Variants in DAB1 observed in about 807,000 individuals in gnomAD.
DAB1 encodes the protein DAB adaptor protein 1.
A neutral mutation model predicts 64.6 loss-of-function variants in DAB1; 15 were observed. The observed-to-expected ratio is 0.23, with a 90% CI of 0.16 to 0.36. The LOEUF (loss-of-function observed/expected upper bound fraction) is 0.36. Among genes scored for constraint, DAB1 ranks in the 10% least tolerant of loss-of-function variants. The probability of loss-of-function intolerance (pLI) is 1.00; values close to 1 mark genes in which losing one functional copy is unlikely to be tolerated. For missense variants in DAB1, 596 were observed against 706.7 expected (o/e 0.84, Z 1.78); for synonymous variants, 235 against 251.9 (o/e 0.93, Z 0.64).
intron 2 of DAB1, among the ~76,000 whole-genome samples, chr1:57,214,398 A>C (rs931458147): frequency 3.9e-5 from 6 of 152,222 alleles, no homozygotes; most frequent in African/African-American, 1.4e-4. Context: ...CTTTGGTTTG[A>C]GGTGGATCAT....
Position 57,343,779 on chromosome 1 carries a change from G to A in DAB1, c.-136-52613C>T, listed in dbSNP as rs561139781. On this transcript the variant is annotated intron_variant, in intron 1 of 14. Transcript: ENST00000371236. ...ACGGTGTGCAGCCCCGGTTCCCACCGACGCCTCTCCATCCACACCTCCCCA... is the reference window on the plus strand; with the variant it reads ...ACGGTGTGCAGCCCCGGTTCCCACCAACGCCTCTCCATCCACACCTCCCCA... Among the ~76,000 whole-genome samples, 17 of 152,250 alleles carry A rather than the reference G, an allele frequency of 1.1e-4. No individual in the cohort carries two copies. The South Asian group carries it at 1.7e-3, about 15-fold the overall frequency.
chr1:58,505,572 C>T (rs898813969), intron 3 of DAB1, among the ~76,000 whole-genome samples: 2 of 152,006 alleles, frequency 1.3e-5, no homozygotes, highest in African/African-American at 4.8e-5. Flanking sequence ...CTCTTATCTT[C>T]ATAAAGAAAT....
At chr1:57,546,106 C>CGT (rs1558480204) in intron 7 of DAB1, among the ~76,000 whole-genome samples, 3 of 147,448 alleles carry the variant, frequency 2.0e-5, no homozygotes, top group South Asian at 2.1e-4. Flanking sequence ...TGTGCGCGCA[C>CGT]GTGTGCATGT....
Position 58,118,469 on chromosome 1 carries a change from CATATATATATATATATATAT to C in DAB1, n.387+32022_387+32041del, listed in dbSNP as rs370100684. ...CATGATGCCAGGCACTATCCTAAGG[CATATATATATATATATATAT>C]ATATATATATATATACACACACACA... On this transcript the variant is annotated intron_variant and non_coding_transcript_variant, in intron 5 of 20. Coordinates refer to the DAB1 transcript ENST00000485760. 9.1e-4 allele frequency among the ~76,000 whole-genome samples: 20 copies of C among 22,050 alleles called. 2 individuals carry two copies. The highest frequency in any genetic ancestry group is 1.2e-3 in the Non-Finnish European group (17 of 13,884). 14.5% of individuals were successfully genotyped at this position (22,050 alleles called of 152,430 possible).
chr1:57,863,671 A>G (rs1414566618), intron 1 of DAB1, among the ~76,000 whole-genome samples: 1 of 152,170 alleles, frequency 6.6e-6, no homozygotes, highest in Admixed American at 6.5e-5. Flanking sequence ...ATGTCTCAGG[A>G]ACAGAGGTGT....
At chr1:57,701,018 C>A (rs1281096115) in intron 6 of DAB1, among the ~76,000 whole-genome samples, 3 of 152,056 alleles carry the variant, frequency 2.0e-5, no homozygotes, top group African/African-American at 7.3e-5. Context: ...CATCTCACAC[C>A]AGTTAGAATG....
chr1:57,257,944 C>T (rs1669889407), intron 2 of DAB1, among the ~76,000 whole-genome samples: 1 of 152,192 alleles, frequency 6.6e-6, no homozygotes. Context: ...ATGTCCCTAC[C>T]TTAAGAGCCT....
chr1:57,813,744 C>T (rs769643805), intron 6 of DAB1, among the ~76,000 whole-genome samples: 8 of 152,148 alleles, frequency 5.3e-5, no homozygotes, highest in Non-Finnish European at 1.2e-4. Context: ...TTTCTTTCCA[C>T]GAGCCTGATC....
At chr1:58,425,690 G>T (rs1043577833) in intron 3 of DAB1, among the ~76,000 whole-genome samples, 7 of 152,110 alleles carry the variant, frequency 4.6e-5, no homozygotes, top group African/African-American at 1.7e-4. Context: ...TATGGAGAGT[G>T]AGAAGGAGTT....
At chr1:57,589,720 G>A (rs1434059275) in intron 7 of DAB1, among the ~76,000 whole-genome samples, 1 of 151,952 alleles carries the variant, frequency 6.6e-6, no homozygotes, top group African/African-American at 2.4e-5. Context: ...TCATGACACT[G>A]CACACCAGCC....
At chr1:58,237,260 G>A (rs1660083742) in intron 4 of DAB1, among the ~76,000 whole-genome samples, 2 of 152,126 alleles carry the variant, frequency 1.3e-5, no homozygotes, top group Admixed American at 1.3e-4. Flanking sequence ...GGAAAAGAGA[G>A]GAAAAAGAAG....
chr1:58,310,827 T>C (rs1021432848), intron 4 of DAB1, among the ~76,000 whole-genome samples: 9 of 152,126 alleles, frequency 5.9e-5, no homozygotes, highest in African/African-American at 2.2e-4. Flanking sequence ...CCATGACCCC[T>C]TGCTGAGTCC....
intron 4 of DAB1, among the ~76,000 whole-genome samples, chr1:57,084,000 G>A (rs899561043): frequency 4.6e-5 from 7 of 152,192 alleles, no homozygotes; most frequent in Non-Finnish European, 7.3e-5. Flanking sequence ...TTTAGTAAAT[G>A]GGAGTTGCTC....
intron 5 of DAB1, among the ~76,000 whole-genome samples, chr1:58,068,630 G>A (rs1304863392): frequency 6.6e-6 from 1 of 151,910 alleles, no homozygotes; most frequent in African/African-American, 2.4e-5. Flanking sequence ...GCTGGGTGTG[G>A]TGGTGGGGGC....
At chr1:58,092,110 G>A (rs1467270832) in intron 5 of DAB1, among the ~76,000 whole-genome samples, 1 of 152,060 alleles carries the variant, frequency 6.6e-6, no homozygotes, top group Non-Finnish European at 1.5e-5. Context: ...GCGCAGGCGG[G>A]TGGATCACGA....
chr1:57,651,368 A>G (rs931119687), intron 6 of DAB1, among the ~76,000 whole-genome samples: 3 of 152,324 alleles, frequency 2.0e-5, no homozygotes, highest in Admixed American at 6.5e-5. Context: ...ATTTGTTACT[A>G]GTTTTAATCA....
At chr1:57,687,933 A>T (rs887957561) in intron 6 of DAB1, among the ~76,000 whole-genome samples, 20 of 152,276 alleles carry the variant, frequency 1.3e-4, no homozygotes, top group African/African-American at 4.6e-4. Context: ...TAAAAATATA[A>T]ATGTAAGAAA....
chr1:57,538,132 C>A (rs11207058), intron 7 of DAB1, among the ~76,000 whole-genome samples: 97,911 of 152,034 alleles, frequency 0.64, 33,887 homozygotes, highest in Non-Finnish European at 0.77. Flanking sequence ...TCAAATGGTC[C>A]AACCATAGCA....
chr1:57,376,152 A>G (rs1680879896), intron 1 of DAB1, among the ~76,000 whole-genome samples: 1 of 152,152 alleles, frequency 6.6e-6, no homozygotes, highest in Admixed American at 6.5e-5. Context: ...ACTTTCCCTT[A>G]CATTTTTCCC....
Sources: gnomAD v4.1 joint callset for allele counts (sites outside exome capture counted in the v4.1 genomes callset) on GRCh38, gnomAD v4.1.1 for gene constraint, MANE v1.5 for transcripts, NCBI Gene and HGNC (gene_info 2026-07-23, HGNC 2026-07-21) for gene names.